The following SEC63 variants were observed in gnomAD, a reference collection of about 807,000 sequenced individuals.
SEC63 encodes the protein SEC63 protein translocation regulator, also known as translocation protein SEC63 homolog.
A neutral mutation model predicts 116.2 loss-of-function variants in SEC63; 56 were observed. The observed-to-expected ratio is 0.48, with a 90% confidence interval of 0.39 to 0.60. The LOEUF (loss-of-function observed/expected upper bound fraction) is 0.60, where lower values mean the gene tolerates loss of function less well. SEC63 is among the 20% of genes least tolerant of loss of function. The probability of loss-of-function intolerance (pLI) is 0.00; values close to 1 mark genes in which losing one functional copy is unlikely to be tolerated. For synonymous variants in SEC63, 273 were observed against 294.6 expected, an observed-to-expected ratio of 0.93 and a Z score of 0.75; for missense variants, 668 against 900.0, an observed-to-expected ratio of 0.74 and a Z score of 3.30.
chr6:107,936,232 C>A (rs1770241402), intron 1 of SEC63, among the ~76,000 whole-genome samples: 1 of 152,192 alleles, frequency 6.6e-6, no homozygotes, highest in South Asian at 2.1e-4. Context: ...CCCCACTCTT[C>A]CAACCTAAAA....
intron 14 of SEC63, among the ~76,000 whole-genome samples, chr6:107,896,503 T>A (rs1191522085): frequency 2.0e-5 from 3 of 151,978 alleles, no homozygotes; most frequent in African/African-American, 7.3e-5. Context: ...TGCAAAATGA[T>A]TGGACTGGAT....
intron 18 of SEC63, chr6:107,877,046 G>A (rs1786290935): frequency 1.0e-5 from 2 of 199,778 alleles, no homozygotes; most frequent in Admixed American, 6.7e-5. Flanking sequence ...AAGTTGGAGT[G>A]GAAGGAACAT....
At chr6:107,917,760 G>A (rs1192978165) in intron 4 of SEC63, among the ~76,000 whole-genome samples, 1 of 152,186 alleles carries the variant, frequency 6.6e-6, no homozygotes, top group Non-Finnish European at 1.5e-5. Context: ...CCTAACGAAG[G>A]CTGAGAGAGG....
chr6:107,950,990 A>G (rs985446691), intron 1 of SEC63, among the ~76,000 whole-genome samples: 1 of 152,240 alleles, frequency 6.6e-6, no homozygotes, highest in African/African-American at 2.4e-5. Context: ...TAAAATGTTT[A>G]AAGTGATAAC....
chr6:107,911,114 T>TG, intron 7 of SEC63: 2 of 540,588 alleles, frequency 3.7e-6, no homozygotes, highest in East Asian at 3.1e-5. Flanking sequence ...TTTTTTCAGT[T>TG]GGGGTCTCAC....
At chr6:107,934,551 C>T (rs1159253533) in intron 1 of SEC63, among the ~76,000 whole-genome samples, 8 of 133,662 alleles carry the variant, frequency 6.0e-5, no homozygotes, top group East Asian at 4.8e-4. Context: ...GGAGCCCCTA[C>T]GCCTGGCAGC....
In SEC63 at chr6:107,882,936, C is replaced by T. The variant is rs987505313; in HGVS notation, c.1833+52G>A. 4.1e-6 allele frequency: 5 copies of T among 1,224,726 alleles called. No individual in the cohort carries two copies. The African/African-American group carries it at 6.0e-5, about 15-fold the overall frequency. The allele number at this position is 1,224,726 out of a possible 1,614,324, so 75.9% of individuals were successfully genotyped here. The stretch of plus-strand genomic sequence containing the variant: ...CAACAACAACAAAACCCAAAGCTAT[C>T]ATCAGAGATATAATTCCAATTATTT... On this transcript the variant is annotated intron_variant, in intron 17 of 20. Transcript: ENST00000369002.
intron 2 of SEC63, 105 bp from the exon 3 acceptor site, chr6:107,925,037 C>G (rs1562331835): frequency 1.4e-6 from 1 of 731,298 alleles, no homozygotes; most frequent in Non-Finnish European, 2.5e-6. Flanking sequence ...TACCATATCA[C>G]TATGCTACTG....
chr6:107,908,687 G>A (rs980157153), intron 8 of SEC63, among the ~76,000 whole-genome samples: 2 of 152,266 alleles, frequency 1.3e-5, no homozygotes, highest in South Asian at 2.1e-4. Flanking sequence ...AAATTTGCAC[G>A]CATAAGGATT....
Position 107,901,412 on chromosome 6 carries a change from G to C in SEC63, c.1315C>G (p.Leu439Val). ...DEKYEEVMAV[L>V]GSFPYVTMDI... The stretch of plus-strand genomic sequence containing the variant: ...ATGGTCACATATGGAAAACTCCCAA[G>C]GACAGCCATAACCTCTTCATATTTT... Residue 439 changes from leucine to valine, a missense_variant, in exon 13 of 21, where the codon CTT becomes GTT. Physicochemically the swap from Leu to Val is conservative, Grantham distance 32 (BLOSUM62 1). Transcript: ENST00000369002. The C allele has an allele frequency of 6.2e-7, 1 of 1,613,266 alleles. No individual in the cohort carries two copies. The highest frequency in any genetic ancestry group is 8.5e-7 in the Non-Finnish European group (1 of 1,179,680).
chr6:107,890,163 T>C (rs1006173969), intron 16 of SEC63, among the ~76,000 whole-genome samples: 11 of 150,086 alleles, frequency 7.3e-5, no homozygotes, highest in Non-Finnish European at 1.5e-4. Context: ...ATATTGACAG[T>C]GGGGTGTTAA....
chr6:107,925,887 T>C (rs1787664171), intron 2 of SEC63, among the ~76,000 whole-genome samples: 1 of 152,250 alleles, frequency 6.6e-6, no homozygotes, highest in Non-Finnish European at 1.5e-5. Flanking sequence ...TCTCGCTCTG[T>C]TGCCCAGGCT....
In SEC63 at chr6:107,871,434, T is replaced by C. The variant is rs114293361; in HGVS notation, c.*270A>G. 1.5e-3 allele frequency: 677 copies of C among 452,838 alleles called. 6 individuals are homozygous for C. The highest frequency in any genetic ancestry group is 0.013 in the African/African-American group (645 of 50,268). 28.1% of individuals were successfully genotyped at this position (452,838 alleles called of 1,614,324 possible). On this transcript the variant is annotated 3_prime_UTR_variant, in exon 21 of 21. Coordinates refer to ENST00000369002, the MANE Select transcript of SEC63 (RefSeq NM_007214.5). ...TCAGATAATACATAGCCCACACTTCTGGACAGTTATAATAACAAAGGATTT... is the reference window on the plus strand; with the variant it reads ...TCAGATAATACATAGCCCACACTTCCGGACAGTTATAATAACAAAGGATTT...
At chr6:107,879,815 C>T (rs1786370417) in intron 18 of SEC63, among the ~76,000 whole-genome samples, 2 of 149,676 alleles carry the variant, frequency 1.3e-5, no homozygotes, top group African/African-American at 4.9e-5. Context: ...GCCTCAATCT[C>T]CTGGGCTCAA....
intron 1 of SEC63, chr6:107,954,631 T>C (rs953930733): frequency 2.6e-5 from 4 of 152,168 alleles, no homozygotes; most frequent in African/African-American, 9.7e-5. Context: ...GAGATAAAGA[T>C]TATTCAGTAG....
At chr6:107,904,194 G>C (rs535818868) in intron 11 of SEC63, among the ~76,000 whole-genome samples, 1 of 149,504 alleles carries the variant, frequency 6.7e-6, no homozygotes, top group Non-Finnish European at 1.5e-5. Flanking sequence ...GGTGGATCAC[G>C]AGGTCAGGAG....
chr6:107,955,749 G>A (rs936299365), intron 1 of SEC63, among the ~76,000 whole-genome samples: 3 of 152,070 alleles, frequency 2.0e-5, no homozygotes, highest in Non-Finnish European at 2.9e-5. Flanking sequence ...AGCCAAGCCT[G>A]GTGGTGCACG....
chr6:107,894,981 A>C (rs1786779914), intron 14 of SEC63, among the ~76,000 whole-genome samples: 1 of 152,176 alleles, frequency 6.6e-6, no homozygotes, highest in Non-Finnish European at 1.5e-5. Context: ...ATGACTTATA[A>C]AACCTAAAAT....
rs189707800 is a variant in SEC63 at position 107,904,270 on chromosome 6, T to C, written c.1054+359A>G. ...ACCAAAAATACAAAAATTAGCCAGG[T>C]GTGGTGGTACGCGCCTGTAATCCCA... On this transcript the variant is annotated intron_variant, in intron 11 of 20. Transcript: ENST00000369002. Among the ~76,000 whole-genome samples the C allele has an allele frequency of 1.2e-3, 169 of 142,538 alleles. 3 individuals carry two copies. Among genetic ancestry groups the C allele is most frequent in the Admixed American group, 8.3e-3 (120 of 14,448 alleles). 93.5% of individuals were successfully genotyped at this position (142,538 alleles called of 152,430 possible). A position where few individuals can be genotyped will look rare whatever the true frequency, so the allele number is the denominator to read the frequency against.
Sources: allele counts gnomAD v4.1 joint callset (sites outside exome capture counted in the v4.1 genomes callset), GRCh38; gene constraint gnomAD v4.1.1; transcripts MANE v1.5; gene names NCBI Gene and HGNC (gene_info 2026-07-23, HGNC 2026-07-21).